MSI2: variants seen among roughly 807,000 people sequenced by gnomAD.
MSI2 encodes musashi RNA binding protein 2.
Under a neutral mutation model 45.6 loss-of-function variants are expected in MSI2, and 17 were observed. The ratio of observed to expected loss-of-function variants is 0.37; its 90% CI spans 0.26 to 0.56. The LOEUF is 0.56. Ranked by LOEUF, MSI2 falls within the 20% of genes least tolerant of loss-of-function variation. MSI2 has a pLI of 0.77. For missense variants in MSI2, 293 were observed against 444.2 expected (o/e 0.66, Z 3.06); for synonymous variants, 156 against 158.2 (o/e 0.99, Z 0.11).
chr17:57,366,701 G>A (rs896808199), intron 5 of MSI2, among the ~76,000 whole-genome samples: 2 of 152,192 alleles, frequency 1.3e-5, no homozygotes, highest in Non-Finnish European at 2.9e-5. Context: ...TTACTTATTT[G>A]TTTGTTTATT....
At chr17:57,371,065 T>A (rs1041617694) in intron 5 of MSI2, among the ~76,000 whole-genome samples, 1 of 152,256 alleles carries the variant, frequency 6.6e-6, no homozygotes, top group Non-Finnish European at 1.5e-5. Flanking sequence ...TGAGTGTTGC[T>A]GTTTTCTTGT....
intron 6 of MSI2, among the ~76,000 whole-genome samples, chr17:57,508,100 C>A (rs1162077589): frequency 1.3e-5 from 2 of 152,214 alleles, no homozygotes; most frequent in Admixed American, 6.5e-5. Context: ...AAAACTCCTG[C>A]TGCAGGTCAG....
chr17:57,531,357 G>C (rs141488508), intron 7 of MSI2, among the ~76,000 whole-genome samples: 15 of 152,186 alleles, frequency 9.9e-5, no homozygotes, highest in Non-Finnish European at 1.8e-4. Flanking sequence ...TCAATTGTGC[G>C]TAAATGTTAG....
rs35461014 is a variant in MSI2 at position 57,290,856 on chromosome 17, GC to G, written c.312+28669del. 7.6e-3 allele frequency among the ~76,000 whole-genome samples: 1,150 copies of G among 152,264 alleles called. 4 individuals carry two copies. The highest frequency in any genetic ancestry group is 0.024 in the Middle Eastern group (7 of 294). Reference sequence around the variant, plus strand: ...TGGTCAGATTCTTAAAGAATGAAGGGCCCCCGTGTCATCACAAGGAGAAGTG... The same window carrying G: ...TGGTCAGATTCTTAAAGAATGAAGGGCCCCGTGTCATCACAAGGAGAAGTG... On this transcript the variant is annotated intron_variant, in intron 5 of 13. Transcript: ENST00000284073.
intron 11 of MSI2, among the ~76,000 whole-genome samples, chr17:57,674,305 G>A (rs1489623010): frequency 6.6e-6 from 1 of 150,842 alleles, no homozygotes; most frequent in Admixed American, 6.6e-5. Flanking sequence ...ATGGAGAATG[G>A]AGATCTTTTT....
chr17:57,519,676 T>C (rs1433348614), intron 6 of MSI2, among the ~76,000 whole-genome samples: 1 of 152,210 alleles, frequency 6.6e-6, no homozygotes, highest in East Asian at 1.9e-4. Context: ...TCACCTCTAT[T>C]CACTTTTTGG....
At chr17:57,604,028 G>A (rs1220605747) in intron 8 of MSI2, among the ~76,000 whole-genome samples, 1 of 152,256 alleles carries the variant, frequency 6.6e-6, no homozygotes, top group African/African-American at 2.4e-5. Flanking sequence ...GAGCCCCCAG[G>A]TGGGGAGTGA....
At chr17:57,391,389 G>C (rs775952014) in intron 5 of MSI2, among the ~76,000 whole-genome samples, 2 of 152,176 alleles carry the variant, frequency 1.3e-5, no homozygotes, top group Non-Finnish European at 2.9e-5. Context: ...GCTCGGAACT[G>C]TTAGGAGACT....
chr17:57,350,413 G>T (rs1033601321), intron 5 of MSI2, among the ~76,000 whole-genome samples: 1 of 152,178 alleles, frequency 6.6e-6, no homozygotes, highest in African/African-American at 2.4e-5. Flanking sequence ...AGGAAGGGAT[G>T]TGTCTGGAAA....
intron 6 of MSI2, among the ~76,000 whole-genome samples, chr17:57,504,037 G>T (rs1037274061): frequency 6.6e-6 from 1 of 152,274 alleles, no homozygotes; most frequent in African/African-American, 2.4e-5. Context: ...GCCCGGCCGG[G>T]AGAGAGGTTT....
chr17:57,363,691 T>C (rs990883163), intron 5 of MSI2, among the ~76,000 whole-genome samples: 4 of 152,094 alleles, frequency 2.6e-5, no homozygotes, highest in African/African-American at 2.4e-5. Flanking sequence ...GTGAGCCGAA[T>C]TGGCACCACT....
chr17:57,357,221 C>G (rs566625607), intron 5 of MSI2, among the ~76,000 whole-genome samples: 28 of 152,296 alleles, frequency 1.8e-4, no homozygotes, highest in African/African-American at 6.5e-4. Context: ...CCTCTCGGGG[C>G]AGCCAAGAAC....
chr17:57,309,493 C>T (rs778344293), intron 5 of MSI2, among the ~76,000 whole-genome samples: 9 of 152,070 alleles, frequency 5.9e-5, no homozygotes, highest in Admixed American at 1.3e-4. Context: ...CATGGGGAAA[C>T]GTGTGTAATA....
chr17:57,316,544 G>C (rs1005147997), intron 5 of MSI2, among the ~76,000 whole-genome samples: 12 of 152,196 alleles, frequency 7.9e-5, no homozygotes, highest in Non-Finnish European at 1.3e-4. Context: ...CAGGCTGGTC[G>C]CAAACTCCTG....
chr17:57,438,003 G>A (rs2084721780), intron 6 of MSI2, among the ~76,000 whole-genome samples: 1 of 152,222 alleles, frequency 6.6e-6, no homozygotes, highest in Non-Finnish European at 1.5e-5. Flanking sequence ...TGAAAAGAAA[G>A]CACAGTGTGT....
At chr17:57,304,834 G>A (rs1911745214) in intron 5 of MSI2, among the ~76,000 whole-genome samples, 1 of 152,094 alleles carries the variant, frequency 6.6e-6, no homozygotes, top group Admixed American at 6.5e-5. Context: ...TGAAACCTCT[G>A]GACCCTCTCC....
chr17:57,393,957 C>T (rs182279142), intron 5 of MSI2, among the ~76,000 whole-genome samples: 2 of 152,372 alleles, frequency 1.3e-5, no homozygotes, highest in Admixed American at 6.5e-5. Flanking sequence ...GCTGGGATTA[C>T]AGGTGTGAGC....
intron 5 of MSI2, among the ~76,000 whole-genome samples, chr17:57,317,506 C>CTTTTTTTTT (rs921448429): frequency 1.1e-5 from 1 of 94,576 alleles, no homozygotes; most frequent in African/African-American, 4.6e-5. Context: ...TATAGTTTTG[C>CTTTTTTTTT]TTTTTTTTTT....
chr17:57,281,033 G>C (rs754718013), intron 5 of MSI2, among the ~76,000 whole-genome samples: 9 of 152,132 alleles, frequency 5.9e-5, no homozygotes, highest in Non-Finnish European at 1.0e-4. Flanking sequence ...CAGTCTTGTC[G>C]TGTGTGGCCT....
Sources: gnomAD v4.1 joint callset for allele counts (sites outside exome capture counted in the v4.1 genomes callset) on GRCh38, gnomAD v4.1.1 for gene constraint, MANE v1.5 for transcripts, NCBI Gene and HGNC (gene_info 2026-07-23, HGNC 2026-07-21) for gene names.